YRDC: variants seen among roughly 807,000 people sequenced by gnomAD.
YRDC encodes the protein threonylcarbamoyl-AMP synthase.
A neutral mutation model predicts 21.5 loss-of-function variants in YRDC; 17 were observed. The observed-to-expected ratio is 0.79, with a 90% CI of 0.54 to 1.19. The LOEUF is 1.19. Ranked by LOEUF, YRDC falls within the 50% of genes most tolerant of loss-of-function variation. The pLI, the probability that YRDC is intolerant of heterozygous loss-of-function variation, is 0.00. For missense variants in YRDC, 380 were observed against 397.1 expected (o/e 0.96, Z 0.37); for synonymous variants, 193 against 176.7 (o/e 1.09, Z -0.73).
At chr1:37,805,068 C>A (rs1427568753) in intron 3 of YRDC, among the ~76,000 whole-genome samples, 1 of 151,732 alleles carries the variant, frequency 6.6e-6, no homozygotes, top group Non-Finnish European at 1.5e-5. Context: ...CTAGCCTGGT[C>A]AACATAGTGA....
At chr1:37,806,462 A>C (rs1646736872) in intron 3 of YRDC, among the ~76,000 whole-genome samples, 1 of 152,184 alleles carries the variant, frequency 6.6e-6, no homozygotes, top group South Asian at 2.1e-4. Flanking sequence ...TGGGCCTCCC[A>C]AAGTGCTGGG....
chr1:37,804,077 G>A (rs554886040), intron 4 of YRDC, 80 bp from the exon 5 acceptor site: 9 of 1,555,830 alleles, frequency 5.8e-6, no homozygotes, highest in African/African-American at 2.7e-5. Context: ...CAGGGACATC[G>A]AAACTGGCTA....
In YRDC at chr1:37,803,150, A is replaced by G. The variant is rs1053104251; in HGVS notation, c.*775T>C. On this transcript the variant is annotated 3_prime_UTR_variant, in exon 5 of 5. Transcript: ENST00000373044. ...AGAAAAAAGTCCCTGGCTATAAAGGATAGTGGAGGTTTATTTCCCAATATT... is the reference window on the plus strand; with the variant it reads ...AGAAAAAAGTCCCTGGCTATAAAGGGTAGTGGAGGTTTATTTCCCAATATT... The G allele has an allele frequency of 2.0e-5, 3 of 152,330 alleles. No homozygotes were observed. The highest frequency in any genetic ancestry group is 2.0e-4 in the Admixed American group (3 of 15,296). 9.4% of individuals were successfully genotyped at this position (152,330 alleles called of 1,614,324 possible).
chr1:37,807,920 G>C lies in YRDC; in HGVS notation c.261C>G (p.Thr87=), dbSNP rs2148392308. The C allele has an allele frequency of 7.8e-7, 1 of 1,280,890 alleles. No individual in the cohort carries two copies. The highest frequency in any genetic ancestry group is 1.5e-5 in the African/African-American group (1 of 65,050). The allele number at this position is 1,280,890 out of a possible 1,614,324, so 79.3% of individuals were successfully genotyped here. A position where few individuals can be genotyped will look rare whatever the true frequency, so the allele number is the denominator to read the frequency against. ...LRAGAVVAVP[T]DTLYGLACAA... is the part of the protein sequence containing the mutation. The stretch of plus-strand genomic sequence containing the variant: ...CGCAGGCCAGGCCGTACAGCGTATC[G>C]GTGGGGACGGCCACCACGGCGCCGG... The change falls in exon 1 of 5, where the codon ACC becomes ACG. Residue 87 remains threonine, a synonymous_variant. Transcript: ENST00000373044.
Position 37,806,911 on chromosome 1 carries a change from C to T in YRDC, c.570G>A (p.Pro190=), listed in dbSNP as rs114963827. Reference sequence around the variant, plus strand: ...TGAGGTTGGCACTAGTGAGAGCAAGCGGACCCTCAAACATCTGAGCCAAGT... The same window carrying T: ...TGAGGTTGGCACTAGTGAGAGCAAGTGGACCCTCAAACATCTGAGCCAAGT... The part of the protein sequence containing the change: ...MQDLAQMFEG[P]LALTSANLSS... The change falls in exon 3 of 5, where the codon CCG becomes CCA. Residue 190 remains proline, a synonymous_variant. Coordinates refer to ENST00000373044, the MANE Select transcript of YRDC (RefSeq NM_024640.4). 5.6e-6 allele frequency: 9 copies of T among 1,614,164 alleles called. No individual in the cohort carries two copies. Among genetic ancestry groups the T allele is most frequent in the South Asian group, 4.4e-5 (4 of 91,086 alleles).
rs1030112531 is a variant in YRDC at position 37,807,784 on chromosome 1, G to C, written c.389+8C>G. ...GCCCCTAGCGGGGCCGGGTCGGGGC[G>C]GCCTTACCTGTAGACGTCGGCCACG... On this transcript the variant is annotated splice_region_variant and intron_variant, in intron 1 of 4. Coordinates refer to ENST00000373044, the MANE Select transcript of YRDC (RefSeq NM_024640.4). 17 of 1,501,454 alleles carry C rather than the reference G, an allele frequency of 1.1e-5. No individual in the cohort carries two copies. The highest frequency in any genetic ancestry group is 1.2e-5 in the Non-Finnish European group (14 of 1,129,352). The allele number at this position is 1,501,454 out of a possible 1,614,324, so 93.0% of individuals were successfully genotyped here.
chr1:37,804,502 A>G lies in YRDC; in HGVS notation c.625-58T>C, dbSNP rs1646722515. On this transcript the variant is annotated intron_variant, in intron 3 of 4. Transcript: ENST00000373044. ...TATCCCTGGTGTATCCAATAATGTCAAACTGCACGCAGTCATCAAAGGCCA... is the reference window on the plus strand; with the variant it reads ...TATCCCTGGTGTATCCAATAATGTCGAACTGCACGCAGTCATCAAAGGCCA... 3.2e-6 allele frequency: 5 copies of G among 1,560,284 alleles called. No homozygotes were observed. The Admixed American group carries it at 9.4e-5, about 29-fold the overall frequency.
rs1491347013 is a variant in YRDC, at chr1:37,807,098, C to CA, written c.504+2dup. The CA allele has an allele frequency of 1.2e-6, 2 of 1,614,026 alleles. No individual in the cohort carries two copies. Among genetic ancestry groups the CA allele is most frequent in the Non-Finnish European group, 1.7e-6 (2 of 1,180,018 alleles). ...TGGGGACACAAGAGAAAACTTGACT[C>CA]ACAGGCGTAAAAGGGTTTAGGTCCT... On this transcript the variant is annotated splice_region_variant and intron_variant, in intron 2 of 4. Transcript: ENST00000373044.
intron 4 of YRDC, 100 bp downstream of exon 4, chr1:37,804,202 A>T (rs772429548): frequency 3.1e-5 from 47 of 1,533,220 alleles, no homozygotes; most frequent in Non-Finnish European, 3.8e-5. Context: ...ACACTCCTTC[A>T]GGGCAACATA....
intron 3 of YRDC, 89 bp from the exon 4 acceptor site, chr1:37,804,533 T>C: frequency 6.8e-7 from 1 of 1,462,120 alleles, no homozygotes; most frequent in South Asian, 1.4e-5. Context: ...GGCCATATAG[T>C]CTTAAAACAG....
chr1:37,804,015 C>G lies in YRDC; in HGVS notation c.768-18G>C. On this transcript the variant is annotated intron_variant, in intron 4 of 4. Transcript: ENST00000373044. ...CCAGGGCACTGAGGAGGAAACAGGA[C>G]AGTTACCAGTCTGACTTCTCAGAAG... The G allele has an allele frequency of 6.2e-7, 1 of 1,613,998 alleles. No individual in the cohort carries two copies. Among genetic ancestry groups the G allele is most frequent in the Non-Finnish European group, 8.5e-7 (1 of 1,179,880 alleles).
rs938979599 is a variant in YRDC, at chr1:37,804,366, G to A, written c.703C>T (p.Arg235Cys). The A allele has an allele frequency of 5.6e-6, 9 of 1,614,024 alleles. No individual in the cohort carries two copies. Among genetic ancestry groups the A allele is most frequent in the Admixed American group, 1.7e-5 (1 of 60,002 alleles). Residue 235 changes from arginine (R) to cysteine (C), a missense_variant, in exon 4 of 5, where the codon CGC (arginine) becomes TGC (cysteine). Physicochemically the swap from Arg to Cys is radical, Grantham distance 180. Around this residue, in one of 3 missense-constraint regions of YRDC, gnomAD observed 238 missense variants for 236.5 expected, o/e 1.01. Transcript: ENST00000373044. ...QIGDGQSPEC[R>C]LGSTVVDLSV... ...AAATCAACCACAGTTGAGCCAAGGC[G>A]ACACTCGGGGCTCTGGCCATCCCCA...
chr1:37,805,546 G>C (rs912298542), intron 3 of YRDC, among the ~76,000 whole-genome samples: 2 of 152,196 alleles, frequency 1.3e-5, no homozygotes, highest in Non-Finnish European at 2.9e-5. Context: ...GTTAGGCCTG[G>C]AAATCTGGGA....
At chr1:37,805,733 A>C (rs1455459980) in intron 3 of YRDC, among the ~76,000 whole-genome samples, 1 of 152,160 alleles carries the variant, frequency 6.6e-6, no homozygotes, top group Non-Finnish European at 1.5e-5. Context: ...CTTTCTAAGA[A>C]CCCTGAGCCC....
intron 3 of YRDC, among the ~76,000 whole-genome samples, chr1:37,805,293 C>T (rs1646727383): frequency 6.6e-6 from 1 of 152,130 alleles, no homozygotes; most frequent in Non-Finnish European, 1.5e-5. Context: ...AGGTAAAAAT[C>T]TGGTCACTTA....
In YRDC at chr1:37,808,127, C is replaced by T; in HGVS notation, c.54G>A (p.Val18=). Residue 18 remains valine, a synonymous_variant, in exon 1 of 5, where the codon GTG becomes GTA. Coordinates refer to ENST00000373044, the MANE Select transcript of YRDC (RefSeq NM_024640.4). The part of the protein sequence containing the change: ...RGMRAAVAAS[V]GLSEGPAGSR... The stretch of plus-strand genomic sequence containing the variant: ...AGCCAGCAGGCCCCTCGCTCAACCC[C>T]ACGCTGGCAGCCACCGCGGCCCTCA... 1 of 1,469,110 alleles carries T rather than the reference C, an allele frequency of 6.8e-7. No homozygotes were observed. 91.0% of individuals were successfully genotyped at this position (1,469,110 alleles called of 1,614,324 possible).
chr1:37,804,474 C>G (rs780929946), intron 3 of YRDC, 30 bp from the exon 4 acceptor site: 1 of 1,600,442 alleles, frequency 6.2e-7, no homozygotes, highest in Non-Finnish European at 8.5e-7. Flanking sequence ...AGAGCATGGA[C>G]ACTATCCCTG....
chr1:37,804,519 C>A, intron 3 of YRDC, 75 bp from the exon 4 acceptor site: 1 of 1,527,872 alleles, frequency 6.5e-7, no homozygotes, highest in South Asian at 1.2e-5. Flanking sequence ...ACGCAGTCAT[C>A]AAAGGCCATA....
intron 3 of YRDC, 61 bp downstream of exon 3, chr1:37,806,796 A>C (rs1646740273): frequency 6.2e-7 from 1 of 1,609,802 alleles, no homozygotes; most frequent in African/African-American, 1.3e-5. Flanking sequence ...AATGCCACTG[A>C]TTCACAGAAA....
Sources: gnomAD v4.1 joint callset for allele counts (sites outside exome capture counted in the v4.1 genomes callset) on GRCh38, gnomAD v4.1.1 for gene constraint, gnomAD v4.1.1 regional missense constraint, MANE v1.5 for transcripts, NCBI Gene and HGNC (gene_info 2026-07-23, HGNC 2026-07-21) for gene names.